Variants in ELP3 observed in about 807,000 individuals in gnomAD.
The protein encoded by ELP3 is elongator complex protein 3.
In ELP3, 56 loss-of-function variants were observed where a neutral mutation model predicts 74.9. The observed-to-expected ratio is 0.75, with a 90% CI of 0.60 to 0.93. ELP3 has a LOEUF of 0.93. Ranked by LOEUF, ELP3 falls within the 40% of genes least tolerant of loss-of-function variation. The pLI, the probability that ELP3 is intolerant of heterozygous loss-of-function variation, is 0.00. For missense variants in ELP3, 573 were observed against 686.5 expected, an observed-to-expected ratio of 0.83 and a Z score of 1.85; for synonymous variants, 222 against 239.8, an observed-to-expected ratio of 0.93 and a Z score of 0.68.
At position 28,173,553 on chromosome 8, in the gene ELP3, AT is replaced by A. The variant is rs144556242; in HGVS notation, c.1567+11486del. 6.1e-3 allele frequency among the ~76,000 whole-genome samples: 891 copies of A among 146,116 alleles called. 12 individuals are homozygous for A. Among genetic ancestry groups the A allele is most frequent in the African/African-American group, 0.02 (793 of 40,054 alleles). On this transcript the variant is annotated intron_variant, in intron 14 of 14. Coordinates refer to ENST00000256398, the MANE Select transcript of ELP3 (RefSeq NM_018091.6). ...TTCAAAGAATGAACTTTTGATTTTG[AT>A]TTTTTTTTTTAATTCTCTATCTTCA...
intron 7 of ELP3, among the ~76,000 whole-genome samples, chr8:28,118,549 A>C (rs879795166): frequency 6.6e-6 from 1 of 152,172 alleles, no homozygotes; most frequent in African/African-American, 2.4e-5. Flanking sequence ...CTGGACTGAG[A>C]TTCTTCAGTA....
chr8:28,106,916 A>G, intron 4 of ELP3, 133 bp downstream of exon 4: 1 of 641,740 alleles, frequency 1.6e-6, no homozygotes, highest in Non-Finnish European at 2.6e-6. Context: ...ACTCCTTTCA[A>G]ACAAGCAACC....
At chr8:28,133,654 A>G (rs1812868196) in intron 9 of ELP3, among the ~76,000 whole-genome samples, 1 of 152,164 alleles carries the variant, frequency 6.6e-6, no homozygotes, top group African/African-American at 2.4e-5. Context: ...AAGTTATTTC[A>G]TCTATAAAAG....
upstream of ELP3, chr8:28,093,008 G>T (rs1475409600): frequency 1.3e-6 from 1 of 753,588 alleles, no homozygotes; most frequent in East Asian, 2.7e-5. Flanking sequence ...TCGCAGCCTA[G>T]GGGCCTCACG....
In ELP3 at chr8:28,105,684, C is replaced by G. The variant is rs550025192; in HGVS notation, c.259-1029C>G. 3.3e-5 allele frequency among the ~76,000 whole-genome samples: 5 copies of G among 152,352 alleles called. No homozygotes were observed. In the East Asian group the frequency reaches 9.6e-4, roughly 29 times the overall value. On this transcript the variant is annotated intron_variant, in intron 3 of 14. Coordinates refer to ENST00000256398, the MANE Select transcript of ELP3 (RefSeq NM_018091.6). ...ATCAGTCTACCATATGTTGAACACT[C>G]TGATTGGCCACAATACCTTTAATTC...
intron 14 of ELP3, 130 bp downstream of exon 14, chr8:28,162,208 G>A (rs564738315): frequency 8.8e-6 from 8 of 911,204 alleles, no homozygotes; most frequent in Middle Eastern, 2.8e-4. Flanking sequence ...GCTGACTGGC[G>A]AAGGACTTGT....
At chr8:28,139,809 G>C (rs901071633) in intron 10 of ELP3, among the ~76,000 whole-genome samples, 2 of 152,192 alleles carry the variant, frequency 1.3e-5, no homozygotes, top group Non-Finnish European at 2.9e-5. Context: ...GCCAGACGTG[G>C]TGGCAGGTGC....
At position 28,099,898 on chromosome 8, in the gene ELP3, G is replaced by C; in HGVS notation, c.190G>C (p.Val64Leu). 6.2e-7 allele frequency: 1 copy of C among 1,614,168 alleles called. No homozygotes were observed. The stretch of plus-strand genomic sequence containing the variant: ...CCGCCTGGTGGATATCATTGCTGCC[G>C]TCCCTCCTCAGTATCGCAAGGTCTT... The part of the protein sequence containing the change: ...QPRLVDIIAA[V>L]PPQYRKVLMP... Residue 64 changes from valine (V) to leucine (L), a missense_variant, in exon 3 of 15, where the codon GTC (valine) becomes CTC (leucine). Coordinates refer to ENST00000256398, the MANE Select transcript of ELP3 (RefSeq NM_018091.6).
chr8:28,133,792 G>C (rs1812873639), intron 9 of ELP3, among the ~76,000 whole-genome samples: 1 of 152,100 alleles, frequency 6.6e-6, no homozygotes, highest in Non-Finnish European at 1.5e-5. Context: ...CTGAGGACCT[G>C]TTTATGAGAT....
intron 1 of ELP3, among the ~76,000 whole-genome samples, chr8:28,096,329 C>T (rs1188748748): frequency 6.6e-6 from 1 of 152,172 alleles, no homozygotes; most frequent in Non-Finnish European, 1.5e-5. Context: ...GCACTTGAAT[C>T]ATCCTAAAAC....
intron 14 of ELP3, among the ~76,000 whole-genome samples, chr8:28,186,790 A>C (rs1815256810): frequency 6.6e-6 from 1 of 152,164 alleles, no homozygotes; most frequent in South Asian, 2.1e-4. Flanking sequence ...TTAGTCCATG[A>C]ATAGATTAAT....
intron 5 of ELP3, among the ~76,000 whole-genome samples, chr8:28,110,027 A>T (rs1410096827): frequency 6.6e-6 from 1 of 152,204 alleles, no homozygotes; most frequent in Non-Finnish European, 1.5e-5. Context: ...AAGCTTACTT[A>T]AAAGTTACTT....
intron 7 of ELP3, chr8:28,118,956 TA>T (rs1812243110): frequency 1.3e-5 from 2 of 150,262 alleles, no homozygotes; most frequent in South Asian, 4.3e-4. Context: ...GCTGAAGTGC[TA>T]GGTAATGCTA....
intron 11 of ELP3, 42 bp downstream of exon 11, chr8:28,156,074 AAG>A: frequency 6.5e-7 from 1 of 1,535,018 alleles, no homozygotes; most frequent in Non-Finnish European, 9.0e-7. Flanking sequence ...TGTTGAGAAA[AAG>A]AGAAATCTGA....
At chr8:28,178,549 G>A (rs930916331) in intron 14 of ELP3, among the ~76,000 whole-genome samples, 1 of 152,188 alleles carries the variant, frequency 6.6e-6, no homozygotes, top group Non-Finnish European at 1.5e-5. Flanking sequence ...ATTCCATTAT[G>A]CTGATAGTTC....
intron 14 of ELP3, 55 bp downstream of exon 14, chr8:28,162,133 C>A: frequency 6.4e-7 from 1 of 1,561,620 alleles, no homozygotes; most frequent in Non-Finnish European, 8.8e-7. Context: ...CTTGGCACCA[C>A]AGTGAAAACT....
At chr8:28,098,530 G>C (rs751851230) in intron 2 of ELP3, among the ~76,000 whole-genome samples, 1 of 151,844 alleles carries the variant, frequency 6.6e-6, no homozygotes, top group African/African-American at 2.4e-5. Context: ...AATTTCTAGT[G>C]AACATTTCTA....
At chr8:28,122,522 A>T (rs565062944) in intron 7 of ELP3, among the ~76,000 whole-genome samples, 1 of 152,182 alleles carries the variant, frequency 6.6e-6, no homozygotes, top group Non-Finnish European at 1.5e-5. Context: ...TGTCCATTTT[A>T]AAAAGTTACG....
intron 14 of ELP3, among the ~76,000 whole-genome samples, chr8:28,186,103 C>T (rs1018014956): frequency 5.9e-5 from 9 of 152,114 alleles, no homozygotes; most frequent in Admixed American, 5.2e-4. Flanking sequence ...TTACATGATT[C>T]CACTTACATG....
Sources: allele counts gnomAD v4.1 joint callset (sites outside exome capture counted in the v4.1 genomes callset), GRCh38; gene constraint gnomAD v4.1.1; transcripts MANE v1.5; gene names NCBI Gene and HGNC (gene_info 2026-07-23, HGNC 2026-07-21).